Variants in CLIC5 observed in about 807,000 individuals in gnomAD.
CLIC5 encodes CLIC family member 5.
A neutral mutation model predicts 24.7 loss-of-function variants in CLIC5; 20 were observed. That is an observed-to-expected ratio of 0.81 (90% CI 0.57 to 1.18). The LOEUF (loss-of-function observed/expected upper bound fraction) is 1.18, where lower values mean the gene tolerates loss of function less well. CLIC5 is among the 50% of genes most tolerant of loss of function. The pLI, the probability that CLIC5 is intolerant of heterozygous loss-of-function variation, is 0.00. For synonymous variants in CLIC5, 159 were observed against 135.6 expected, an observed-to-expected ratio of 1.17 and a Z score of -1.20; for missense variants, 341 against 326.1, an observed-to-expected ratio of 1.05 and a Z score of -0.35.
chr6:45,882,116 C>A (rs752712788), intron 6 of CLIC5, among the ~76,000 whole-genome samples: 1 of 152,202 alleles, frequency 6.6e-6, no homozygotes, highest in Non-Finnish European at 1.5e-5. Flanking sequence ...TGCACACTTG[C>A]GACTTTTCTT....
At chr6:45,970,404 T>C (rs1198776886) in intron 1 of CLIC5, among the ~76,000 whole-genome samples, 1 of 152,200 alleles carries the variant, frequency 6.6e-6, no homozygotes, top group Non-Finnish European at 1.5e-5. Flanking sequence ...CTGAGTTATA[T>C]GTTCAAGCTC....
the CLIC5 span, among the ~76,000 whole-genome samples, chr6:46,109,608 G>C: frequency 6.6e-6 from 1 of 150,814 alleles, no homozygotes; most frequent in Non-Finnish European, 1.5e-5. Flanking sequence ...TGAATTACAT[G>C]GGAATGAATA....
intron 1 of CLIC5, among the ~76,000 whole-genome samples, chr6:46,073,598 A>G (rs1384259161): frequency 6.6e-6 from 1 of 152,172 alleles, no homozygotes; most frequent in Non-Finnish European, 1.5e-5. Flanking sequence ...TGTCCTAAAC[A>G]TTGTTTTGCT....
Position 45,914,277 on chromosome 6 carries a change from T to C in CLIC5, c.539A>G (p.Glu180Gly). The C allele has an allele frequency of 6.2e-7, 1 of 1,610,536 alleles. No homozygotes were observed. Among genetic ancestry groups the C allele is most frequent in the Non-Finnish European group, 8.5e-7 (1 of 1,177,538 alleles). ...GSRRKFLDGD[E>G]LTLADCNLLP... The stretch of plus-strand genomic sequence containing the variant: ...CAGATTGCAGTCAGCCAGGGTCAGC[T>C]CATCCCCATCCAGGAACTTGCGCCG... The change falls in exon 5 of 6, where the codon GAG becomes GGG. Residue 180 changes from glutamate to glycine, a missense_variant. Transcript: ENST00000339561.
intron 4 of CLIC5, among the ~76,000 whole-genome samples, chr6:45,924,934 A>T (rs1417129724): frequency 6.6e-6 from 1 of 152,178 alleles, no homozygotes; most frequent in East Asian, 1.9e-4. Flanking sequence ...TGCGGCTGGC[A>T]TTGTCTGGAA....
At chr6:45,946,657 C>T (rs188757633) in intron 3 of CLIC5, among the ~76,000 whole-genome samples, 56 of 152,270 alleles carry the variant, frequency 3.7e-4, no homozygotes, top group African/African-American at 1.2e-3. Flanking sequence ...CAGCCTGAGT[C>T]GCTGGGGAAG....
At chr6:45,883,958 C>T (rs986493271) in intron 6 of CLIC5, 6 of 152,180 alleles carry the variant, frequency 3.9e-5, no homozygotes, top group African/African-American at 1.4e-4. Flanking sequence ...AGAGAGGAAA[C>T]TGAGGCTGAC....
At chr6:46,007,374 T>C (rs1766624007) in intron 1 of CLIC5, among the ~76,000 whole-genome samples, 1 of 152,136 alleles carries the variant, frequency 6.6e-6, no homozygotes, top group Non-Finnish European at 1.5e-5. Flanking sequence ...TTTCCAGGGG[T>C]GAATGTACCA....
chr6:45,937,077 G>T (rs1763964365), intron 4 of CLIC5, among the ~76,000 whole-genome samples: 1 of 152,136 alleles, frequency 6.6e-6, no homozygotes, highest in Non-Finnish European at 1.5e-5. Context: ...AAAATGCAAG[G>T]CTGCTGAGGT....
chr6:46,096,272 C>A, the CLIC5 span, among the ~76,000 whole-genome samples: 3 of 152,196 alleles, frequency 2.0e-5, no homozygotes, highest in Admixed American at 6.5e-5. Context: ...CTGGGGATTA[C>A]AATTTGACAT....
At chr6:46,066,224 G>A (rs956585512) in intron 1 of CLIC5, among the ~76,000 whole-genome samples, 4 of 152,146 alleles carry the variant, frequency 2.6e-5, no homozygotes, top group African/African-American at 9.7e-5. Context: ...GGCAATGTCA[G>A]CTGGGTTCCA....
At chr6:46,106,173 G>A in the CLIC5 span, among the ~76,000 whole-genome samples, 10 of 151,658 alleles carry the variant, frequency 6.6e-5, no homozygotes, top group Non-Finnish European at 1.5e-4. Flanking sequence ...GTGTGATCTC[G>A]GCTCACTGCA....
At chr6:45,943,867 G>A (rs919764839) in intron 3 of CLIC5, among the ~76,000 whole-genome samples, 11 of 152,312 alleles carry the variant, frequency 7.2e-5, no homozygotes, top group Admixed American at 3.3e-4. Context: ...TTCCATTTGA[G>A]CTTTGTTCTT....
upstream of CLIC5, among the ~76,000 whole-genome samples, chr6:46,084,227 C>A (rs1762983915): frequency 6.6e-6 from 1 of 152,082 alleles, no homozygotes; most frequent in Admixed American, 6.5e-5. Context: ...GACTCTTTAT[C>A]CAATTTGCCA....
the CLIC5 span, among the ~76,000 whole-genome samples, chr6:46,116,761 G>A: frequency 6.6e-6 from 1 of 152,162 alleles, no homozygotes; most frequent in African/African-American, 2.4e-5. Context: ...CTTAAAGGGT[G>A]GACAAAATTG....
chr6:46,027,104 G>T (rs1373110584), intron 1 of CLIC5, among the ~76,000 whole-genome samples: 5 of 152,172 alleles, frequency 3.3e-5, no homozygotes, highest in Non-Finnish European at 5.9e-5. Flanking sequence ...CCTGTGCCTG[G>T]TGGGTCTTGC....
At chr6:46,112,794 T>C in the CLIC5 span, among the ~76,000 whole-genome samples, 47 of 152,292 alleles carry the variant, frequency 3.1e-4, no homozygotes, top group South Asian at 8.9e-3. Context: ...CTGTGGCTGA[T>C]GCCTGTAATT....
Position 45,962,225 on chromosome 6 carries a change from G to A in CLIC5, c.64-6981C>T, listed in dbSNP as rs148980538. Among the ~76,000 whole-genome samples the A allele has an allele frequency of 7.3e-3, 1,097 of 150,738 alleles. 19 individuals carry two copies. Among genetic ancestry groups the A allele is most frequent in the Admixed American group, 0.027 (415 of 15,100 alleles). ...ACATATATATAATACATATCAGTTG[G>A]GGTGTGAAGAGAGAGAGATTTATTT... On this transcript the variant is annotated intron_variant, in intron 1 of 5. Coordinates refer to ENST00000339561, the MANE Select transcript of CLIC5 (RefSeq NM_016929.5).
At position 45,903,210 on chromosome 6, in the gene CLIC5, T is replaced by C. The variant is rs1251490066; in HGVS notation, c.634A>G (p.Thr212Ala). ...YRNYDIPAEM[T>A]GLWRYLKNAY... is the part of the protein sequence containing the mutation. ...TTCTTGAGGTACCGCCACAGGCCTG[T>C]CATCTCAGCCGGGATATCATAGTTG... The change falls in exon 6 of 6, where the codon ACA becomes GCA. Residue 212 changes from threonine (T) to alanine (A), a missense_variant. By Grantham distance (58) the Thr-to-Ala change is moderately conservative. Transcript: ENST00000339561. The C allele has an allele frequency of 6.2e-7, 1 of 1,611,828 alleles. No individual in the cohort carries two copies. The highest frequency in any genetic ancestry group is 1.1e-5 in the South Asian group (1 of 90,644).
Sources: gnomAD v4.1 joint callset for allele counts (sites outside exome capture counted in the v4.1 genomes callset) on GRCh38, gnomAD v4.1.1 for gene constraint, MANE v1.5 for transcripts, NCBI Gene and HGNC (gene_info 2026-07-23, HGNC 2026-07-21) for gene names.